Variants in SLC9C2 observed in about 807,000 individuals in gnomAD.
SLC9C2 encodes the protein sodium/hydrogen exchanger 11.
In SLC9C2, 75 loss-of-function variants were observed where a neutral mutation model predicts 140.2. The ratio of observed to expected loss-of-function variants is 0.53; its 90% CI spans 0.44 to 0.65. The LOEUF is 0.65. Ranked by LOEUF, SLC9C2 falls within the 30% of genes least tolerant of loss-of-function variation. SLC9C2 has a pLI of 0.00. For missense variants in SLC9C2, 1,074 were observed against 1,331.8 expected (o/e 0.81, Z 3.01); for synonymous variants, 375 against 420.9 (o/e 0.89, Z 1.34).
chr1:173,574,731 T>C lies in SLC9C2; in HGVS notation c.903-1406A>G, dbSNP rs777037124. ...TTCACCATGTTAGCCAGGATGGTCT[T>C]GATCTCCTGACCTCGTGATTCGCCC... On this transcript the variant is annotated intron_variant, in intron 8 of 27. Coordinates refer to ENST00000367714, the MANE Select transcript of SLC9C2 (RefSeq NM_178527.4). Among the ~76,000 whole-genome samples the C allele has an allele frequency of 2.2e-4, 34 of 151,752 alleles. No homozygotes were observed. The Middle Eastern group carries it at 0.014, about 61-fold the overall frequency.
At chr1:173,564,950 T>C (rs1369493096) in intron 9 of SLC9C2, among the ~76,000 whole-genome samples, 1 of 147,328 alleles carries the variant, frequency 6.8e-6, no homozygotes, top group African/African-American at 2.5e-5. Flanking sequence ...TAGTTTTCTT[T>C]TTTCTTTTTT....
At chr1:173,556,470 C>T (rs910215270) in intron 10 of SLC9C2, among the ~76,000 whole-genome samples, 2 of 152,100 alleles carry the variant, frequency 1.3e-5, no homozygotes, top group African/African-American at 4.8e-5. Context: ...AAGACATAAA[C>T]CTAACTAGAT....
intron 9 of SLC9C2, among the ~76,000 whole-genome samples, chr1:173,572,712 C>T (rs1301967624): frequency 1.3e-5 from 2 of 152,208 alleles, no homozygotes; most frequent in Non-Finnish European, 2.9e-5. Context: ...GCATACAGTA[C>T]ATGGTAACTG....
chr1:173,576,700 G>A lies in SLC9C2; in HGVS notation c.863C>T (p.Ser288Phe), dbSNP rs368702939. 3 of 1,610,802 alleles carry A rather than the reference G, an allele frequency of 1.9e-6. No individual in the cohort carries two copies. The highest frequency in any genetic ancestry group is 1.3e-5 in the African/African-American group (1 of 74,698). Residue 288 changes from serine (S) to phenylalanine (F), a missense_variant, in exon 8 of 28, where the codon TCT becomes TTT. Coordinates refer to ENST00000367714, the MANE Select transcript of SLC9C2 (RefSeq NM_178527.4). ...TTCGATCTTCGGTTTAAAAGTTAAA[G>A]AATCTAAATTCAGTCCTACAGCGGC... is the stretch of plus-strand genomic sequence containing the variant. ...ALAAVGLNLD[S>F]LTFKPKIELV...
intron 8 of SLC9C2, among the ~76,000 whole-genome samples, chr1:173,574,196 T>C (rs977004382): frequency 6.6e-6 from 1 of 152,348 alleles, no homozygotes; most frequent in African/African-American, 2.4e-5. Context: ...CTTGAGACTT[T>C]CCCTTTCAGC....
In SLC9C2 at chr1:173,533,643, T is replaced by A; in HGVS notation, c.2129A>T (p.Tyr710Phe). Residue 710 changes from tyrosine (Y) to phenylalanine (F), a missense_variant, in exon 17 of 28, where the codon TAT (tyrosine) becomes TTT (phenylalanine). Coordinates refer to ENST00000367714, the MANE Select transcript of SLC9C2 (RefSeq NM_178527.4). ...ALIQLTVIMG[Y>F]LRIIRFLPLF... ...AGGAAGAAACCTAATTATTCTTAAA[T>A]ATCCCATTATTACTGTAAGCTGTAT... 1 of 1,601,578 alleles carries A rather than the reference T, an allele frequency of 6.2e-7. No homozygotes were observed. The highest frequency in any genetic ancestry group is 8.5e-7 in the Non-Finnish European group (1 of 1,174,652).
At chr1:173,537,928 T>C (rs1435461833) in intron 13 of SLC9C2, among the ~76,000 whole-genome samples, 1 of 152,160 alleles carries the variant, frequency 6.6e-6, no homozygotes, top group Non-Finnish European at 1.5e-5. Context: ...ATACTGACCA[T>C]ACACTTTGCC....
chr1:173,527,960 A>G (rs1274118567), intron 18 of SLC9C2, among the ~76,000 whole-genome samples: 1 of 152,142 alleles, frequency 6.6e-6, no homozygotes, highest in Non-Finnish European at 1.5e-5. Context: ...GAAGGTGCCA[A>G]ATTACTAGCC....
chr1:173,552,793 T>C (rs932535490), intron 11 of SLC9C2, among the ~76,000 whole-genome samples: 4 of 152,226 alleles, frequency 2.6e-5, no homozygotes, highest in African/African-American at 9.6e-5. Context: ...TTTCCCTGCC[T>C]GCCAGCACAA....
intron 11 of SLC9C2, among the ~76,000 whole-genome samples, 200 bp downstream of exon 11, chr1:173,554,533 G>C (rs1663542500): frequency 6.6e-6 from 1 of 152,172 alleles, no homozygotes; most frequent in African/African-American, 2.4e-5. Context: ...TCTTGTTTAA[G>C]CCTCTGTTCA....
At chr1:173,590,038 T>C (rs1252026195) in intron 4 of SLC9C2, among the ~76,000 whole-genome samples, 1 of 151,986 alleles carries the variant, frequency 6.6e-6, no homozygotes, top group Non-Finnish European at 1.5e-5. Flanking sequence ...AGGTTAGGAG[T>C]TCCAGACCAG....
chr1:173,601,915 C>G, intron 1 of SLC9C2, 60 bp from the exon 2 acceptor site: 1 of 1,056,100 alleles, frequency 9.5e-7, no homozygotes, highest in Non-Finnish European at 1.4e-6. Context: ...CATACCATTT[C>G]TACCTAAGAT....
intron 4 of SLC9C2, among the ~76,000 whole-genome samples, chr1:173,596,078 A>C (rs1318901339): frequency 2.0e-5 from 3 of 152,158 alleles, no homozygotes; most frequent in Non-Finnish European, 4.4e-5. Context: ...AGCACAATGC[A>C]TTTTAAATTC....
At chr1:173,550,071 C>T (rs1663148802) in intron 11 of SLC9C2, among the ~76,000 whole-genome samples, 1 of 152,188 alleles carries the variant, frequency 6.6e-6, no homozygotes, top group African/African-American at 2.4e-5. Context: ...GCCTTGTGAG[C>T]TTTTGCCAAT....
chr1:173,518,259 C>T (rs2101933533), intron 22 of SLC9C2, among the ~76,000 whole-genome samples: 1 of 118,782 alleles, frequency 8.4e-6, no homozygotes, highest in Middle Eastern at 3.9e-3. Flanking sequence ...GAGACTCCAT[C>T]TCAAAGAAAA....
Position 173,548,465 on chromosome 1 carries a change from A to G in SLC9C2, c.1385T>C (p.Leu462Ser). The change falls in exon 12 of 28, where the codon TTA becomes TCA. Residue 462 changes from leucine to serine, a missense_variant. By Grantham distance (145) the Leu-to-Ser change is moderately radical. Coordinates refer to ENST00000367714, the MANE Select transcript of SLC9C2 (RefSeq NM_178527.4). ...IQEIVQNTIT[L>S]FKTEKILTNV... ...TGTCAAAATTTTTTCTGTTTTAAAT[A>G]AAGTTATTGTGTTCTGTACTATCTC... is the stretch of plus-strand genomic sequence containing the variant. 2 of 1,613,804 alleles carry G rather than the reference A, an allele frequency of 1.2e-6. No homozygotes were observed. Among genetic ancestry groups the G allele is most frequent in the Non-Finnish European group, 1.7e-6 (2 of 1,179,782 alleles).
At chr1:173,597,663 G>A (rs1179195755) in intron 4 of SLC9C2, among the ~76,000 whole-genome samples, 2 of 152,052 alleles carry the variant, frequency 1.3e-5, no homozygotes, top group African/African-American at 4.8e-5. Flanking sequence ...ATGCAAAATG[G>A]AAATGTTATT....
rs992990225 is a variant in SLC9C2 at position 173,579,626 on chromosome 1, A to G, written c.802+2221T>C. Among the ~76,000 whole-genome samples the G allele has an allele frequency of 2.6e-5, 4 of 152,226 alleles. No individual in the cohort carries two copies. The East Asian group carries it at 7.7e-4, about 29-fold the overall frequency. ...ATGCGACTTATACTCCTTCACAGAA[A>G]TCAGCTTCAAAGTCTTATGATGCCG... On this transcript the variant is annotated intron_variant, in intron 7 of 27. Coordinates refer to ENST00000367714, the MANE Select transcript of SLC9C2 (RefSeq NM_178527.4).
chr1:173,562,202 A>T (rs1350084266), intron 9 of SLC9C2, among the ~76,000 whole-genome samples: 1 of 152,216 alleles, frequency 6.6e-6, no homozygotes, highest in Non-Finnish European at 1.5e-5. Context: ...TGTTGACTGC[A>T]ACATCAAAAA....
Sources: gnomAD v4.1 joint callset for allele counts (sites outside exome capture counted in the v4.1 genomes callset) on GRCh38, gnomAD v4.1.1 for gene constraint, MANE v1.5 for transcripts, NCBI Gene and HGNC (gene_info 2026-07-23, HGNC 2026-07-21) for gene names.